THAP9: variants seen among roughly 807,000 people sequenced by gnomAD.
THAP9 encodes DNA transposase THAP9.
A neutral mutation model predicts 35.7 loss-of-function variants in THAP9; 20 were observed. The observed-to-expected ratio is 0.56, with a 90% CI of 0.39 to 0.81. The LOEUF is 0.81. THAP9 is among the 40% of genes least tolerant of loss of function. The pLI is 0.00. For synonymous variants in THAP9, 335 were observed against 373.7 expected, an observed-to-expected ratio of 0.90 and a Z score of 1.19; for missense variants, 870 against 1,047.4, an observed-to-expected ratio of 0.83 and a Z score of 2.34.
At chr4:82,908,051 C>A in intron 4 of THAP9, 116 bp downstream of exon 4, 1 of 1,111,776 alleles carries the variant, frequency 9.0e-7, no homozygotes. Context: ...TTGCATTTTA[C>A]TTATTAAGGC....
In THAP9 at chr4:82,900,742, A is replaced by C; in HGVS notation, c.-61A>C. 6.3e-7 allele frequency: 1 copy of C among 1,577,468 alleles called. No homozygotes were observed. ...GCCGCAGAGTCAACGGGCGGAGCTAAAGTGGTCGTGATTCATGCTGTCGCG... is the reference window on the plus strand; with the variant it reads ...GCCGCAGAGTCAACGGGCGGAGCTACAGTGGTCGTGATTCATGCTGTCGCG... On this transcript the variant is annotated 5_prime_UTR_variant, in exon 1 of 5. Coordinates refer to ENST00000302236, the MANE Select transcript of THAP9 (RefSeq NM_024672.6).
At chr4:82,905,797 G>A in intron 2 of THAP9, 1 of 451,418 alleles carries the variant, frequency 2.2e-6, no homozygotes, top group Non-Finnish European at 4.4e-6. Flanking sequence ...TGTACTAGGA[G>A]ATTTACATAA....
At chr4:82,912,313 T>C (rs1720891758) in intron 4 of THAP9, among the ~76,000 whole-genome samples, 1 of 152,336 alleles carries the variant, frequency 6.6e-6, no homozygotes, top group South Asian at 2.1e-4. Flanking sequence ...CTGTTTCTAA[T>C]TTTTGGTTTA....
intron 4 of THAP9, among the ~76,000 whole-genome samples, chr4:82,913,626 ACTC>A (rs1720941708): frequency 6.6e-6 from 1 of 151,446 alleles, no homozygotes; most frequent in Non-Finnish European, 1.5e-5. Flanking sequence ...ACATAGGTAA[ACTC>A]CTGTCGTGGG....
intron 4 of THAP9, among the ~76,000 whole-genome samples, chr4:82,914,770 T>C (rs925652449): frequency 3.3e-5 from 5 of 152,224 alleles, no homozygotes; most frequent in Non-Finnish European, 7.3e-5. Context: ...GGATGTCTGT[T>C]TACTGTTGAC....
chr4:82,917,476 A>C lies in THAP9; in HGVS notation c.1264A>C (p.Ile422Leu). 2 of 1,613,850 alleles carry C rather than the reference A, an allele frequency of 1.2e-6. No individual in the cohort carries two copies. The highest frequency in any genetic ancestry group is 1.7e-6 in the Non-Finnish European group (2 of 1,179,708). The change falls in exon 5 of 5, where the codon ATA becomes CTA. Residue 422 changes from isoleucine (I) to leucine (L), a missense_variant. This residue lies in a region of THAP9 where 440 missense variants were observed against 501.2 expected (regional missense o/e 0.88). Coordinates refer to ENST00000302236, the MANE Select transcript of THAP9 (RefSeq NM_024672.6). ...TGACTCTTGCCACTTGCTAAGATTA[A>C]TAAGAAATGCATTTCAGAATTTTCA... The part of the protein sequence containing the change: ...FFDSCHLLRL[I>L]RNAFQNFQSI...
At chr4:82,904,058 CTTTTTTTTT>C (rs59655406) in intron 1 of THAP9, among the ~76,000 whole-genome samples, 1 of 82,202 alleles carries the variant, frequency 1.2e-5, no homozygotes, top group Non-Finnish European at 2.4e-5. Flanking sequence ...TAGGCTCCCC[CTTTTTTTTT>C]TTTTTTTTTT....
intron 4 of THAP9, among the ~76,000 whole-genome samples, chr4:82,911,439 A>C (rs112600194): frequency 6.6e-6 from 1 of 152,110 alleles, no homozygotes; most frequent in Non-Finnish European, 1.5e-5. Flanking sequence ...AAAAAATAAA[A>C]AAAAATTAGC....
chr4:82,901,228 G>A, intron 1 of THAP9: 2 of 532,448 alleles, frequency 3.8e-6, no homozygotes, highest in Non-Finnish European at 7.2e-6. Flanking sequence ...TGTGTGTGTG[G>A]CGTCTTCCTG....
At chr4:82,906,976 A>G (rs1720672743) in intron 3 of THAP9, among the ~76,000 whole-genome samples, 1 of 152,170 alleles carries the variant, frequency 6.6e-6, no homozygotes, top group Non-Finnish European at 1.5e-5. Flanking sequence ...AATTCATTAT[A>G]AACAGTTTTA....
In THAP9 at chr4:82,903,034, A is replaced by G. The variant is rs149168848; in HGVS notation, c.81-1702A>G. The stretch of plus-strand genomic sequence containing the variant: ...CAGAATTATGTTTTACCATGCTGCT[A>G]TATTTTTGTAGCATTTAGCTGAGAA... On this transcript the variant is annotated intron_variant, in intron 1 of 4. Coordinates refer to ENST00000302236, the MANE Select transcript of THAP9 (RefSeq NM_024672.6). Among the ~76,000 whole-genome samples, 4 of 152,344 alleles carry G rather than the reference A, an allele frequency of 2.6e-5. No individual in the cohort carries two copies. In the East Asian group the frequency reaches 7.7e-4, roughly 29 times the overall value.
At position 82,917,231 on chromosome 4, in the gene THAP9, T is replaced by G. The variant is rs2126017201; in HGVS notation, c.1019T>G (p.Phe340Cys). Residue 340 changes from phenylalanine to cysteine, a missense_variant, in exon 5 of 5, where the codon TTT becomes TGT. Around this residue, in one of 3 missense-constraint regions of THAP9, gnomAD observed 440 missense variants for 501.2 expected, o/e 0.88. Transcript: ENST00000302236. The stretch of plus-strand genomic sequence containing the variant: ...CATTGGAGAACACCTCTTGGTTATT[T>G]TTTTGTAAACAGAGCATCTGGATAT... ...FGHWRTPLGY[F>C]FVNRASGYLQ... The G allele has an allele frequency of 1.2e-6, 2 of 1,614,160 alleles. No homozygotes were observed. Among genetic ancestry groups the G allele is most frequent in the Non-Finnish European group, 1.7e-6 (2 of 1,180,018 alleles).
At chr4:82,908,457 T>C (rs1464313595) in intron 4 of THAP9, among the ~76,000 whole-genome samples, 1 of 152,244 alleles carries the variant, frequency 6.6e-6, no homozygotes, top group Non-Finnish European at 1.5e-5. Context: ...AAATAATTTT[T>C]TAGGATTTGT....
At position 82,919,262 on chromosome 4, in the gene THAP9, CTA is replaced by C. The variant is rs1240080997; in HGVS notation, c.*340_*341del. ...GCTTCAAAAACAAGAAAAACAACAACTATGAGTTATCAAAATATTGACTCCAT... is the reference window on the plus strand; with the variant it reads ...GCTTCAAAAACAAGAAAAACAACAACTGAGTTATCAAAATATTGACTCCAT... On this transcript the variant is annotated 3_prime_UTR_variant, in exon 5 of 5. Coordinates refer to ENST00000302236, the MANE Select transcript of THAP9 (RefSeq NM_024672.6). 1 of 170,344 alleles carries C rather than the reference CTA, an allele frequency of 5.9e-6. No individual in the cohort carries two copies. The highest frequency in any genetic ancestry group is 5.9e-5 in the Admixed American group (1 of 16,870). 10.6% of individuals were successfully genotyped at this position (170,344 alleles called of 1,614,324 possible).
At position 82,918,472 on chromosome 4, in the gene THAP9, T is replaced by C. The variant is rs771520847; in HGVS notation, c.2260T>C (p.Phe754Leu). 1.7e-5 allele frequency: 28 copies of C among 1,613,986 alleles called. No homozygotes were observed. Among genetic ancestry groups the C allele is most frequent in the Admixed American group, 1.7e-4 (10 of 60,002 alleles). Residue 754 changes from phenylalanine (F) to leucine (L), a missense_variant, in exon 5 of 5, where the codon TTT becomes CTT. This residue lies in a region of THAP9 where 414 missense variants were observed against 500.8 expected (regional missense o/e 0.83). Transcript: ENST00000302236. ...LKASKIGSLLFVKKKNGLHFP... is the reference protein window; with the variant it reads ...LKASKIGSLLLVKKKNGLHFP... Reference sequence around the variant, plus strand: ...AGCCTCTAAAATTGGGTCACTATTATTTGTTAAAAAGAAGAATGGTTTGCA... The same window carrying C: ...AGCCTCTAAAATTGGGTCACTATTACTTGTTAAAAAGAAGAATGGTTTGCA...
chr4:82,904,273 C>T (rs1720550991), intron 1 of THAP9, among the ~76,000 whole-genome samples: 1 of 152,030 alleles, frequency 6.6e-6, no homozygotes, highest in Admixed American at 6.6e-5. Flanking sequence ...CCATGTTGTC[C>T]AGGCTGGTCT....
intron 2 of THAP9, 80 bp from the exon 3 acceptor site, chr4:82,906,244 T>A: frequency 8.3e-7 from 1 of 1,200,474 alleles, no homozygotes; most frequent in Non-Finnish European, 1.2e-6. Context: ...AGATTAGTGC[T>A]TTGTATTTAG....
chr4:82,900,765 G>T lies in THAP9; in HGVS notation c.-38G>T. On this transcript the variant is annotated 5_prime_UTR_variant, in exon 1 of 5. Coordinates refer to ENST00000302236, the MANE Select transcript of THAP9 (RefSeq NM_024672.6). The stretch of plus-strand genomic sequence containing the variant: ...TAAAGTGGTCGTGATTCATGCTGTC[G>T]CGGGAACCCCGAAGGTGGGGCCCCA... 6.2e-7 allele frequency: 1 copy of T among 1,610,796 alleles called. No individual in the cohort carries two copies. Among genetic ancestry groups the T allele is most frequent in the Non-Finnish European group, 8.5e-7 (1 of 1,177,614 alleles).
chr4:82,913,735 T>A (rs1720946185), intron 4 of THAP9, among the ~76,000 whole-genome samples: 1 of 152,090 alleles, frequency 6.6e-6, no homozygotes, highest in Non-Finnish European at 1.5e-5. Context: ...TCATCTTTTT[T>A]TTTTTATTTT....
Sources: gnomAD v4.1 joint callset for allele counts (sites outside exome capture counted in the v4.1 genomes callset) on GRCh38, gnomAD v4.1.1 for gene constraint, gnomAD v4.1.1 regional missense constraint, MANE v1.5 for transcripts, NCBI Gene and HGNC (gene_info 2026-07-23, HGNC 2026-07-21) for gene names.